Variants in AFF3 observed in about 807,000 individuals in gnomAD.
The protein encoded by AFF3 is AF4/FMR2 family member 3.
A neutral mutation model predicts 129.7 loss-of-function variants in AFF3; 32 were observed. The observed-to-expected ratio is 0.25, with a 90% CI of 0.19 to 0.33. AFF3 has a LOEUF of 0.33. Ranked by LOEUF, AFF3 falls within the 10% of genes least tolerant of loss-of-function variation. AFF3 has a pLI of 1.00. For synonymous variants in AFF3, 644 were observed against 635.4 expected, an observed-to-expected ratio of 1.01 and a Z score of -0.20; for missense variants, 1,373 against 1,592.0, an observed-to-expected ratio of 0.86 and a Z score of 2.34.
intron 14 of AFF3, among the ~76,000 whole-genome samples, chr2:99,600,879 G>C (rs993616046): frequency 3.5e-5 from 2 of 57,408 alleles, no homozygotes; most frequent in African/African-American, 1.6e-4. Context: ...AGCTATAAAA[G>C]GTTTCATCAT....
At chr2:99,983,107 C>T (rs940230663) in intron 7 of AFF3, among the ~76,000 whole-genome samples, 2 of 152,148 alleles carry the variant, frequency 1.3e-5, no homozygotes, top group South Asian at 2.1e-4. Flanking sequence ...GGAACTCAAG[C>T]GTAAGAGATT....
intron 7 of AFF3, among the ~76,000 whole-genome samples, chr2:99,878,144 AACAAGAAGCGG>A (rs1692432850): frequency 6.6e-6 from 1 of 152,218 alleles, no homozygotes; most frequent in African/African-American, 2.4e-5. Context: ...AGTAGGAGAA[AACAAGAAGCGG>A]AAAGAGGAAG....
chr2:99,935,279 C>T (rs1396509148), intron 7 of AFF3, among the ~76,000 whole-genome samples: 1 of 152,174 alleles, frequency 6.6e-6, no homozygotes, highest in East Asian at 1.9e-4. Context: ...TTTGTTATGG[C>T]TGACCTTTGC....
chr2:99,638,532 G>C (rs1683885765), intron 13 of AFF3, among the ~76,000 whole-genome samples: 1 of 151,312 alleles, frequency 6.6e-6, no homozygotes, highest in Non-Finnish European at 1.5e-5. Context: ...CAGGGGAGGG[G>C]TGGTGGGTGG....
At chr2:99,887,983 G>A (rs555430254) in intron 7 of AFF3, among the ~76,000 whole-genome samples, 1 of 152,296 alleles carries the variant, frequency 6.6e-6, no homozygotes, top group Admixed American at 6.5e-5. Flanking sequence ...CCATGATTCT[G>A]AGAACTAGCT....
intron 11 of AFF3, among the ~76,000 whole-genome samples, chr2:99,715,438 C>T (rs1264915419): frequency 6.6e-6 from 1 of 152,112 alleles, no homozygotes; most frequent in Non-Finnish European, 1.5e-5. Flanking sequence ...ACGAAACAGG[C>T]ACTTTCCATA....
intron 13 of AFF3, among the ~76,000 whole-genome samples, chr2:99,603,688 AC>A (rs1355899419): frequency 1.3e-5 from 2 of 152,230 alleles, no homozygotes; most frequent in Non-Finnish European, 2.9e-5. Flanking sequence ...AACAGAGTAA[AC>A]AGACAACCTA....
At chr2:99,668,620 T>C (rs1158115910) in intron 12 of AFF3, among the ~76,000 whole-genome samples, 1 of 152,124 alleles carries the variant, frequency 6.6e-6, no homozygotes. Flanking sequence ...TGGAGTGTAG[T>C]GGCACAATTT....
chr2:99,861,643 T>C (rs1691007133), intron 7 of AFF3, among the ~76,000 whole-genome samples: 1 of 152,196 alleles, frequency 6.6e-6, no homozygotes, highest in South Asian at 2.1e-4. Flanking sequence ...TTTGTTTTCT[T>C]ATCTTGAAAC....
chr2:99,631,033 CTG>C (rs958629890), intron 13 of AFF3: 5 of 457,486 alleles, frequency 1.1e-5, no homozygotes, highest in Non-Finnish European at 2.3e-5. Context: ...CAGGGAAACA[CTG>C]TGAGCTGCTG....
At chr2:100,139,372 G>A (rs757629806) in intron 1 of AFF3, among the ~76,000 whole-genome samples, 6 of 152,102 alleles carry the variant, frequency 3.9e-5, no homozygotes, top group Non-Finnish European at 8.8e-5. Flanking sequence ...ACATATTGCC[G>A]ATTGAATTAA....
intron 7 of AFF3, among the ~76,000 whole-genome samples, chr2:99,854,145 A>G (rs1690347927): frequency 6.6e-6 from 1 of 152,156 alleles, no homozygotes; most frequent in Non-Finnish European, 1.5e-5. Flanking sequence ...ATTAGTTTAG[A>G]ACGGACCTGA....
intron 8 of AFF3, among the ~76,000 whole-genome samples, chr2:99,780,436 C>T (rs188680159): frequency 4.0e-4 from 61 of 152,282 alleles, no homozygotes; most frequent in Non-Finnish European, 7.4e-4. Flanking sequence ...GACTGTGCAA[C>T]CCAGGGTTTG....
intron 10 of AFF3, among the ~76,000 whole-genome samples, chr2:99,740,254 A>C (rs796818310): frequency 4.1e-4 from 62 of 149,816 alleles, no homozygotes; most frequent in African/African-American, 1.5e-3. Context: ...GCTATTGTGA[A>C]TAGTGCCGCA....
At chr2:99,705,889 A>AAC (rs1245109771) in intron 11 of AFF3, among the ~76,000 whole-genome samples, 7 of 150,976 alleles carry the variant, frequency 4.6e-5, no homozygotes, top group African/African-American at 1.2e-4. Flanking sequence ...AAAAAAAAAA[A>AAC]AAAAAAAAAA....
intron 4 of AFF3, among the ~76,000 whole-genome samples, chr2:100,009,707 A>C (rs1005104605): frequency 1.3e-5 from 2 of 152,226 alleles, no homozygotes; most frequent in African/African-American, 4.8e-5. Flanking sequence ...ATGAGGAAGA[A>C]ATAAAGTGTT....
intron 8 of AFF3, among the ~76,000 whole-genome samples, chr2:99,778,000 T>A (rs1448653451): frequency 7.2e-6 from 1 of 138,390 alleles, no homozygotes; most frequent in Non-Finnish European, 1.6e-5. Context: ...TCCAGCACTA[T>A]CAGTTCAAAT....
At chr2:100,003,694 C>T (rs937174347) in intron 7 of AFF3, among the ~76,000 whole-genome samples, 1 of 152,070 alleles carries the variant, frequency 6.6e-6, no homozygotes, top group African/African-American at 2.4e-5. Context: ...AATAATTTGC[C>T]ATAGCAGCAG....
intron 2 of AFF3, among the ~76,000 whole-genome samples, chr2:100,119,648 T>C (rs1691871302): frequency 6.6e-6 from 1 of 152,250 alleles, no homozygotes; most frequent in South Asian, 2.1e-4. Flanking sequence ...ATTCTCTCAT[T>C]TGATTCACAT....
Sources: gnomAD v4.1 joint callset for allele counts (sites outside exome capture counted in the v4.1 genomes callset) on GRCh38, gnomAD v4.1.1 for gene constraint, MANE v1.5 for transcripts, NCBI Gene and HGNC (gene_info 2026-07-23, HGNC 2026-07-21) for gene names.